The following MALRD1 variants were observed in gnomAD, a reference collection of about 807,000 sequenced individuals.
MALRD1 encodes the protein MAM and LDL-receptor class A domain-containing protein 1.
A neutral mutation model predicts 242.1 loss-of-function variants in MALRD1; 247 were observed. That is an observed-to-expected ratio of 1.02 (90% CI 0.92 to 1.13). The LOEUF (loss-of-function observed/expected upper bound fraction) is 1.13. Among genes scored for constraint, MALRD1 ranks in the 50% most tolerant of loss-of-function variants. The pLI is 0.00. For missense variants in MALRD1, 2,989 were observed against 2,533.1 expected, an observed-to-expected ratio of 1.18 and a Z score of -3.86; for synonymous variants, 995 against 866.6, an observed-to-expected ratio of 1.15 and a Z score of -2.60.
intron 29 of MALRD1, among the ~76,000 whole-genome samples, chr10:19,453,777 G>GAGGC (rs1294599355): frequency 1.3e-5 from 2 of 152,104 alleles, no homozygotes; most frequent in Non-Finnish European, 2.9e-5. Context: ...TCAGCAGGCT[G>GAGGC]AGGCATGAGA....
chr10:19,048,855 G>A lies in MALRD1; in HGVS notation c.-84G>A, dbSNP rs774512157. On this transcript the variant is annotated 5_prime_UTR_variant, in exon 1 of 40. Transcript: ENST00000454679. ...AGTTATAAGAAGCAAATCTGGGAAA[G>A]GAAGAATAGAGAAATAAAAGAATGT... The A allele has an allele frequency of 1.9e-6, 2 of 1,080,064 alleles. No homozygotes were observed. Among genetic ancestry groups the A allele is most frequent in the African/African-American group, 1.6e-5 (1 of 61,364 alleles). The allele number at this position is 1,080,064 out of a possible 1,614,324, so 66.9% of individuals were successfully genotyped here. A position where few individuals can be genotyped will look rare whatever the true frequency, so the allele number is the denominator to read the frequency against.
At chr10:19,325,115 G>GA (rs572890117) in intron 22 of MALRD1, among the ~76,000 whole-genome samples, 3,049 of 142,256 alleles carry the variant, frequency 0.021, 54 homozygotes, top group African/African-American at 0.039. Context: ...ATTCATGTTG[G>GA]AAAAAAAAAA....
At chr10:19,162,030 G>GAACAAC (rs200339497) in intron 12 of MALRD1, among the ~76,000 whole-genome samples, 191 of 146,778 alleles carry the variant, frequency 1.3e-3, no homozygotes, top group Middle Eastern at 3.5e-3. Flanking sequence ...TCTGTCTCAA[G>GAACAAC]AACAACAACA....
At chr10:19,670,621 G>T (rs2131759072) in intron 36 of MALRD1, among the ~76,000 whole-genome samples, 1 of 152,272 alleles carries the variant, frequency 6.6e-6, no homozygotes, top group South Asian at 2.1e-4. Flanking sequence ...TCTTGAAAGA[G>T]TTGACCACAC....
rs754866966 is a variant in MALRD1 at position 19,159,222 on chromosome 10, A to ATG, written c.1656+4062_1656+4063dup. 3.1e-3 allele frequency among the ~76,000 whole-genome samples: 478 copies of ATG among 152,066 alleles called. 1 individual carries two copies. Among genetic ancestry groups the ATG allele is most frequent in the Middle Eastern group, 0.014 (4 of 294 alleles). ...AAAATCACTATGGTAATGGTGAGGG[A>ATG]TGTGTGTGTGTGTCTGTGTGTTTAT... On this transcript the variant is annotated intron_variant, in intron 12 of 39. Transcript: ENST00000454679.
intron 31 of MALRD1, among the ~76,000 whole-genome samples, chr10:19,516,661 A>C (rs1215149527): frequency 2.1e-4 from 29 of 136,128 alleles, no homozygotes; most frequent in African/African-American, 2.5e-4. Flanking sequence ...TCCTCTTCCT[A>C]CTCTTCTTCC....
At chr10:19,560,147 C>G (rs1415561736) in intron 32 of MALRD1, among the ~76,000 whole-genome samples, 3 of 152,130 alleles carry the variant, frequency 2.0e-5, no homozygotes, top group African/African-American at 7.2e-5. Context: ...GGTATATACC[C>G]AAAGGATTAT....
At chr10:19,597,809 G>C (rs1016988025) in intron 34 of MALRD1, among the ~76,000 whole-genome samples, 2 of 152,114 alleles carry the variant, frequency 1.3e-5, no homozygotes, top group African/African-American at 4.8e-5. Flanking sequence ...ATGGTGCTAG[G>C]GATTCTTTAC....
At chr10:19,372,933 A>G (rs1451643277) in intron 26 of MALRD1, among the ~76,000 whole-genome samples, 1 of 152,130 alleles carries the variant, frequency 6.6e-6, no homozygotes, top group Non-Finnish European at 1.5e-5. Flanking sequence ...TAATCAGCTC[A>G]TATATTTTTC....
At chr10:19,390,153 T>C (rs1846277477) in intron 28 of MALRD1, among the ~76,000 whole-genome samples, 1 of 152,218 alleles carries the variant, frequency 6.6e-6, no homozygotes. Context: ...TATATAATAG[T>C]AATTAATCTA....
intron 4 of MALRD1, 40 bp from the exon 5 acceptor site, chr10:19,103,939 T>C: frequency 1.8e-6 from 2 of 1,136,112 alleles, no homozygotes; most frequent in Non-Finnish European, 2.2e-6. Context: ...GTTCCTTGCT[T>C]TATGTTTTTG....
chr10:19,394,501 C>T (rs1846490043), intron 28 of MALRD1, among the ~76,000 whole-genome samples: 2 of 152,122 alleles, frequency 1.3e-5, no homozygotes, highest in African/African-American at 4.8e-5. Context: ...CCTTTGATTA[C>T]GTAAAAGACT....
chr10:19,081,488 G>A (rs1835489733), intron 2 of MALRD1, among the ~76,000 whole-genome samples: 1 of 152,116 alleles, frequency 6.6e-6, no homozygotes, highest in East Asian at 1.9e-4. Context: ...GCTGGAAACT[G>A]TTATCCTCAG....
chr10:19,176,691 T>C (rs922006863), intron 14 of MALRD1, among the ~76,000 whole-genome samples: 3 of 152,038 alleles, frequency 2.0e-5, no homozygotes, highest in African/African-American at 7.2e-5. Flanking sequence ...CTAATTTATA[T>C]TGGGTTAACG....
At chr10:19,332,189 T>TC (rs1467461143) in intron 24 of MALRD1, among the ~76,000 whole-genome samples, 1 of 151,678 alleles carries the variant, frequency 6.6e-6, no homozygotes, top group Admixed American at 6.6e-5. Context: ...TTTTTTTTTT[T>TC]TGAAAAATGA....
At chr10:19,304,161 G>A (rs185261658) in intron 21 of MALRD1, among the ~76,000 whole-genome samples, 2 of 151,794 alleles carry the variant, frequency 1.3e-5, no homozygotes, top group African/African-American at 2.4e-5. Flanking sequence ...AAAAGACAGC[G>A]GGAAGGTGAA....
rs560506751 is a variant in MALRD1, at chr10:19,222,143, G to A, written c.2991+12463G>A. On this transcript the variant is annotated intron_variant, in intron 18 of 39. Coordinates refer to ENST00000454679, the MANE Select transcript of MALRD1 (RefSeq NM_001142308.3). ...AGCCTCCTTCCCTTCCTCTCTCCTT[G>A]AGTTTCCTTCTTGTTCCCTCCCTCC... 5.9e-5 allele frequency among the ~76,000 whole-genome samples: 9 copies of A among 151,390 alleles called. No homozygotes were observed. The South Asian group carries it at 1.9e-3, about 32-fold the overall frequency.
At chr10:19,525,389 C>T (rs369828068) in intron 31 of MALRD1, among the ~76,000 whole-genome samples, 23 of 152,188 alleles carry the variant, frequency 1.5e-4, no homozygotes, top group African/African-American at 5.3e-4. Flanking sequence ...GAAAAAATGT[C>T]CATGAAGCAT....
intron 25 of MALRD1, among the ~76,000 whole-genome samples, chr10:19,350,950 A>T (rs1844347460): frequency 6.6e-6 from 1 of 152,160 alleles, no homozygotes; most frequent in South Asian, 2.1e-4. Context: ...TAATGATCAC[A>T]GAGCTCATGT....
Sources: gnomAD v4.1 joint callset for allele counts (sites outside exome capture counted in the v4.1 genomes callset) on GRCh38, gnomAD v4.1.1 for gene constraint, MANE v1.5 for transcripts, NCBI Gene and HGNC (gene_info 2026-07-23, HGNC 2026-07-21) for gene names.